Variants in ZMYM2 observed in about 807,000 individuals in gnomAD.
ZMYM2 encodes zinc finger MYM-type containing 2, also known as zinc finger MYM-type protein 2.
Under a neutral mutation model 162.8 loss-of-function variants are expected in ZMYM2, and 56 were observed. The ratio of observed to expected loss-of-function variants is 0.34; its 90% CI spans 0.28 to 0.43. The LOEUF (loss-of-function observed/expected upper bound fraction) is 0.43, where lower values mean the gene tolerates loss of function less well. Ranked by LOEUF, ZMYM2 falls within the 20% of genes least tolerant of loss-of-function variation. ZMYM2 has a pLI of 1.00. For synonymous variants in ZMYM2, 510 were observed against 541.6 expected (o/e 0.94, Z 0.81); for missense variants, 1,275 against 1,621.8 (o/e 0.79, Z 3.67).
chr13:19,874,914 T>C, the ZMYM2 span, among the ~76,000 whole-genome samples: 1 of 152,090 alleles, frequency 6.6e-6, no homozygotes, highest in African/African-American at 2.4e-5. Context: ...AGTCAAAATA[T>C]AACAGATGTG....
chr13:19,917,596 TAAAAAA>T, the ZMYM2 span, among the ~76,000 whole-genome samples: 1 of 133,206 alleles, frequency 7.5e-6, no homozygotes, highest in Admixed American at 7.9e-5. Flanking sequence ...ATCTCAAATT[TAAAAAA>T]AAAAAAAAAA....
rs988346686 is a variant in ZMYM2, at chr13:20,030,633, C to T, written c.1852-686C>T. Among the ~76,000 whole-genome samples, 28 of 152,004 alleles carry T rather than the reference C, an allele frequency of 1.8e-4. 1 individual carries two copies. The highest frequency in any genetic ancestry group is 5.9e-4 in the Admixed American group (9 of 15,258). Reference sequence around the variant, plus strand: ...CAGGATGGTCTCGATCTCCTGACTTCGTGATCCGCCCGCCTTGGCCTCCCA... The same window carrying T: ...CAGGATGGTCTCGATCTCCTGACTTTGTGATCCGCCCGCCTTGGCCTCCCA... On this transcript the variant is annotated intron_variant, in intron 9 of 24. Coordinates refer to ENST00000610343, the MANE Select transcript of ZMYM2 (RefSeq NM_197968.4).
At position 20,046,607 on chromosome 13, in the gene ZMYM2, G is replaced by GTGTGTGTGTA. The variant is rs781273129; in HGVS notation, c.2293-4825_2293-4824insGTGTGTGTAT. Among the ~76,000 whole-genome samples, 653 of 104,352 alleles carry GTGTGTGTGTA rather than the reference G, an allele frequency of 6.3e-3. 6 individuals are homozygous for GTGTGTGTGTA. The highest frequency in any genetic ancestry group is 0.018 in the African/African-American group (464 of 25,818). The allele number at this position is 104,352 out of a possible 152,430, so 68.5% of individuals were successfully genotyped here. A position where few individuals can be genotyped will look rare whatever the true frequency, so the allele number is the denominator to read the frequency against. On this transcript the variant is annotated intron_variant, in intron 12 of 24. Transcript: ENST00000610343. ...TGTGTGTGTGTGTGTGTGTGTGTGT[G>GTGTGTGTGTA]TATATATATGTGTATATATATGTGT...
chr13:19,941,096 G>A, the ZMYM2 span, among the ~76,000 whole-genome samples: 1 of 152,054 alleles, frequency 6.6e-6, no homozygotes, highest in Admixed American at 6.6e-5. Context: ...ATCACTTGAG[G>A]CCAGGAGTTC....
intron 21 of ZMYM2, among the ~76,000 whole-genome samples, chr13:20,075,743 G>A (rs965725030): frequency 1.5e-4 from 19 of 128,490 alleles, no homozygotes; most frequent in Admixed American, 4.0e-4. Context: ...GTGCAGTGGC[G>A]CCATCTCGGC....
chr13:19,993,369 T>G lies in ZMYM2; in HGVS notation c.297T>G (p.Ile99Met). 5 of 1,613,716 alleles carry G rather than the reference T, an allele frequency of 3.1e-6. No individual in the cohort carries two copies. Among genetic ancestry groups the G allele is most frequent in the Non-Finnish European group, 4.2e-6 (5 of 1,179,816 alleles). ...NEELQGNDSKITPSSKELASQ... is the reference protein window; with the variant it reads ...NEELQGNDSKMTPSSKELASQ... The stretch of plus-strand genomic sequence containing the variant: ...AACTACAAGGAAATGATTCCAAAAT[T>G]ACTCCTTCCTCAAAAGAGTTGGCAT... The change falls in exon 3 of 25, where the codon ATT becomes ATG. Residue 99 changes from isoleucine (I) to methionine (M), a missense_variant. By Grantham distance (10) the Ile-to-Met change is conservative. Around this residue, in one of 10 missense-constraint regions of ZMYM2, gnomAD observed 295 missense variants for 286.7 expected, o/e 1.03. Coordinates refer to ENST00000610343, the MANE Select transcript of ZMYM2 (RefSeq NM_197968.4).
chr13:19,921,419 C>T, the ZMYM2 span, among the ~76,000 whole-genome samples: 2 of 152,178 alleles, frequency 1.3e-5, no homozygotes, highest in East Asian at 3.9e-4. Flanking sequence ...GGATTATAGG[C>T]GTGAACCACG....
At chr13:19,901,658 G>A in the ZMYM2 span, among the ~76,000 whole-genome samples, 5 of 152,096 alleles carry the variant, frequency 3.3e-5, no homozygotes, top group African/African-American at 9.7e-5. Context: ...TGTATTTTTA[G>A]TAGAGACGGG....
chr13:19,995,133 C>T (rs1272299896), intron 3 of ZMYM2, among the ~76,000 whole-genome samples: 1 of 152,090 alleles, frequency 6.6e-6, no homozygotes, highest in Non-Finnish European at 1.5e-5. Context: ...GTATGAGCCA[C>T]CATGCCCAGC....
At chr13:19,904,144 T>C in the ZMYM2 span, among the ~76,000 whole-genome samples, 2 of 152,142 alleles carry the variant, frequency 1.3e-5, no homozygotes, top group African/African-American at 2.4e-5. Context: ...TTGGAATTTA[T>C]AGAATCATGG....
upstream of ZMYM2, among the ~76,000 whole-genome samples, chr13:19,957,335 G>T (rs1954599846): frequency 6.6e-6 from 1 of 152,178 alleles, no homozygotes; most frequent in African/African-American, 2.4e-5. Flanking sequence ...TCAGATAATC[G>T]TGAAATTGAG....
the ZMYM2 span, among the ~76,000 whole-genome samples, chr13:19,889,421 C>T: frequency 5.3e-5 from 8 of 151,940 alleles, no homozygotes; most frequent in Non-Finnish European, 8.8e-5. Flanking sequence ...CGGGTTCAAG[C>T]GAATTCTCCT....
the ZMYM2 span, among the ~76,000 whole-genome samples, chr13:19,907,424 T>C: frequency 6.6e-6 from 1 of 152,092 alleles, no homozygotes; most frequent in Non-Finnish European, 1.5e-5. Context: ...AGGGAGTATA[T>C]GGGAACTATC....
intron 4 of ZMYM2, 104 bp downstream of exon 4, chr13:20,003,239 C>T: frequency 1.5e-6 from 2 of 1,352,168 alleles, no homozygotes; most frequent in East Asian, 5.0e-5. Flanking sequence ...ACTTCCCTAT[C>T]AAGTCCAGGT....
the ZMYM2 span, among the ~76,000 whole-genome samples, chr13:19,947,460 T>C: frequency 1.3e-5 from 2 of 151,410 alleles, no homozygotes; most frequent in Non-Finnish European, 2.9e-5. Flanking sequence ...TCTTTTTTTT[T>C]TTTTTTCTTT....
chr13:19,906,335 G>GTGTATATATATGTGTGTGTATATATATA, the ZMYM2 span, among the ~76,000 whole-genome samples: 2 of 122,958 alleles, frequency 1.6e-5, no homozygotes, highest in East Asian at 2.5e-4. Flanking sequence ...TTGTATGTAT[G>GTGTATATATATGTGTGTGTATATATATA]TGTATATATA....
Position 20,058,590 on chromosome 13 carries a change from C to T in ZMYM2, c.2509C>T (p.Pro837Ser), listed in dbSNP as rs758248307. 7 of 1,613,508 alleles carry T rather than the reference C, an allele frequency of 4.3e-6. No homozygotes were observed. Among genetic ancestry groups the T allele is most frequent in the Non-Finnish European group, 5.9e-6 (7 of 1,179,708 alleles). ...RTKMTGSAPPPSPTPNKEMKN... is the reference protein window; with the variant it reads ...RTKMTGSAPPSSPTPNKEMKN... ...TTCTCCATAGGGTTCAGCACCACCCCCTTCTCCAACACCTAACAAAGAGAT... is the reference window on the plus strand; with the variant it reads ...TTCTCCATAGGGTTCAGCACCACCCTCTTCTCCAACACCTAACAAAGAGAT... The change falls in exon 15 of 25, where the codon CCT (proline) becomes TCT (serine). Residue 837 changes from proline (P) to serine (S), a missense_variant. Pro to Ser is a moderately conservative substitution (Grantham distance 74, BLOSUM62 -1). Around this residue, in one of 10 missense-constraint regions of ZMYM2, gnomAD observed 177 missense variants for 228.0 expected, o/e 0.78. Coordinates refer to ENST00000610343, the MANE Select transcript of ZMYM2 (RefSeq NM_197968.4).
chr13:20,032,599 CTTTTTTTTTTTTT>C (rs57294389), intron 10 of ZMYM2, among the ~76,000 whole-genome samples: 4,260 of 66,042 alleles, frequency 0.065, 115 homozygotes, highest in Middle Eastern at 0.12. Context: ...TTTTTTCTGT[CTTTTTTTTTTTTT>C]TTTTTTTTTT....
the ZMYM2 span, among the ~76,000 whole-genome samples, chr13:19,907,223 T>G: frequency 6.6e-6 from 1 of 152,238 alleles, no homozygotes; most frequent in African/African-American, 2.4e-5. Context: ...ATTCTAGTCA[T>G]GGAATTATAT....
Sources: gnomAD v4.1 joint callset for allele counts (sites outside exome capture counted in the v4.1 genomes callset) on GRCh38, gnomAD v4.1.1 for gene constraint, gnomAD v4.1.1 regional missense constraint, MANE v1.5 for transcripts, NCBI Gene and HGNC (gene_info 2026-07-23, HGNC 2026-07-21) for gene names.